RAB11FIP4: variants seen among roughly 807,000 people sequenced by gnomAD.
The protein encoded by RAB11FIP4 is rab11 family-interacting protein 4.
A neutral mutation model predicts 74.3 loss-of-function variants in RAB11FIP4; 23 were observed. The ratio of observed to expected loss-of-function variants is 0.31; its 90% CI spans 0.22 to 0.44. The LOEUF (loss-of-function observed/expected upper bound fraction) is 0.44. Ranked by LOEUF, RAB11FIP4 falls within the 20% of genes least tolerant of loss-of-function variation. RAB11FIP4 has a pLI of 1.00. For synonymous variants in RAB11FIP4, 360 were observed against 359.9 expected (o/e 1.00, Z 0.00); for missense variants, 630 against 863.9 (o/e 0.73, Z 3.39).
intron 7 of RAB11FIP4, chr17:31,522,662 TGAGA>T: frequency 3.7e-6 from 2 of 535,862 alleles, no homozygotes; most frequent in South Asian, 5.0e-5. Context: ...AGGGATGCCC[TGAGA>T]GAGACAGAGC....
intron 9 of RAB11FIP4, 183 bp downstream of exon 9, chr17:31,524,179 C>G: frequency 1.7e-6 from 1 of 580,536 alleles, no homozygotes; most frequent in Non-Finnish European, 3.1e-6. Flanking sequence ...ACCTTAGGGA[C>G]AGGGAGACAG....
At chr17:31,421,196 A>AT (rs923174112) in intron 1 of RAB11FIP4, among the ~76,000 whole-genome samples, 11 of 151,944 alleles carry the variant, frequency 7.2e-5, no homozygotes, top group Admixed American at 7.2e-4. Flanking sequence ...TCTGTTTTTG[A>AT]TTTTTTTGCT....
At chr17:31,477,458 G>A (rs1026379834) in intron 3 of RAB11FIP4, among the ~76,000 whole-genome samples, 5 of 152,196 alleles carry the variant, frequency 3.3e-5, no homozygotes, top group Admixed American at 6.5e-5. Flanking sequence ...GAGAAGCCAC[G>A]GCTGGGAGGG....
Position 31,396,627 on chromosome 17 carries a change from G to A in RAB11FIP4, c.159+4616G>A, listed in dbSNP as rs182437346. On this transcript the variant is annotated intron_variant, in intron 1 of 14. Coordinates refer to ENST00000621161, the MANE Select transcript of RAB11FIP4 (RefSeq NM_032932.6). ...GAATTGAGGTCAAGATCTGGCACCG[G>A]CCTCTGTGTGCTCAACTCACCCTCC... Among the ~76,000 whole-genome samples, 31 of 152,242 alleles carry A rather than the reference G, an allele frequency of 2.0e-4. No individual in the cohort carries two copies. In the South Asian group the frequency reaches 6.4e-3, roughly 32 times the overall value.
At chr17:31,432,217 G>A (rs178850) in intron 2 of RAB11FIP4, among the ~76,000 whole-genome samples, 83,763 of 151,886 alleles carry the variant, frequency 0.55, 23,940 homozygotes, top group African/African-American at 0.69. Context: ...ACCAAACCCA[G>A]TGAGTCTCCT....
rs550470791 is a variant in RAB11FIP4, at chr17:31,409,143, G to A, written c.159+17132G>A. Among the ~76,000 whole-genome samples the A allele has an allele frequency of 7.2e-5, 11 of 152,286 alleles. No homozygotes were observed. The East Asian group carries it at 1.5e-3, about 21-fold the overall frequency. On this transcript the variant is annotated intron_variant, in intron 1 of 14. Transcript: ENST00000621161. ...AGCCAGTAGGGATAAGGGTTGGTAA[G>A]GGATGGTGGAGGCAGGACCCCATCA...
At chr17:31,528,817 G>A in intron 13 of RAB11FIP4, 39 bp downstream of exon 13, 1 of 1,581,076 alleles carries the variant, frequency 6.3e-7, no homozygotes, top group Non-Finnish European at 8.6e-7. Context: ...GGGCAGGGTG[G>A]CCGGGCCCAC....
chr17:31,495,433 G>A (rs927863813), intron 3 of RAB11FIP4, among the ~76,000 whole-genome samples: 4 of 143,710 alleles, frequency 2.8e-5, no homozygotes, highest in African/African-American at 5.2e-5. Context: ...AGAGTGCAGC[G>A]ATACAATCTT....
At chr17:31,412,744 C>T (rs11871938) in intron 1 of RAB11FIP4, among the ~76,000 whole-genome samples, 3,685 of 152,302 alleles carry the variant, frequency 0.024, 129 homozygotes, top group African/African-American at 0.084. Flanking sequence ...AGCAGGCAGA[C>T]ACCAGGCGCA....
chr17:31,521,775 C>A, intron 5 of RAB11FIP4, 140 bp from the exon 6 acceptor site: 1 of 906,572 alleles, frequency 1.1e-6, no homozygotes, highest in Non-Finnish European at 1.7e-6. Flanking sequence ...TGATCTGTTG[C>A]TATATTTCCA....
chr17:31,445,566 ATATATATATATATTTTTTTTTTTTTTTTT>A (rs2071451267), intron 3 of RAB11FIP4, among the ~76,000 whole-genome samples: 4 of 12,434 alleles, frequency 3.2e-4, no homozygotes, highest in African/African-American at 1.1e-3. Context: ...ATATATATAT[ATATATATATATATTTTTTTTTTTTTTTTT>A]TTTTTTTTGA....
At chr17:31,504,287 C>T (rs958787483) in intron 3 of RAB11FIP4, among the ~76,000 whole-genome samples, 5 of 150,108 alleles carry the variant, frequency 3.3e-5, no homozygotes, top group East Asian at 3.9e-4. Flanking sequence ...CCCACCACCA[C>T]GCCCGGCTAA....
rs1423746693 is a variant in RAB11FIP4 at position 31,467,257 on chromosome 17, G to A, written c.336+33135G>A. Among the ~76,000 whole-genome samples the A allele has an allele frequency of 3.9e-5, 6 of 152,036 alleles. 1 individual carries two copies. The South Asian group carries it at 6.3e-4, about 16-fold the overall frequency. On this transcript the variant is annotated intron_variant, in intron 3 of 14. Transcript: ENST00000621161. Reference sequence around the variant, plus strand: ...CTCCTGAGTAGCTGGGACTACAGGCGCATGCCACCACACCCAGCTAATTTT... The same window carrying A: ...CTCCTGAGTAGCTGGGACTACAGGCACATGCCACCACACCCAGCTAATTTT...
intron 4 of RAB11FIP4, among the ~76,000 whole-genome samples, chr17:31,520,244 C>T (rs888856756): frequency 6.6e-6 from 1 of 152,094 alleles, no homozygotes; most frequent in African/African-American, 2.4e-5. Flanking sequence ...GAATACTATG[C>T]CATTTCATAT....
chr17:31,440,183 C>T (rs932014523), intron 3 of RAB11FIP4, among the ~76,000 whole-genome samples: 1 of 152,202 alleles, frequency 6.6e-6, no homozygotes, highest in African/African-American at 2.4e-5. Flanking sequence ...CTTTTATCCA[C>T]CTGGAGCTTA....
At position 31,534,332 on chromosome 17, in the gene RAB11FIP4, A is replaced by C. The variant is rs1352653720; in HGVS notation, c.*2600A>C. 6.6e-6 allele frequency: 1 copy of C among 152,206 alleles called. No individual in the cohort carries two copies. Among genetic ancestry groups the C allele is most frequent in the Non-Finnish European group, 1.5e-5 (1 of 68,042 alleles). The allele number at this position is 152,206 out of a possible 1,614,324, so 9.4% of individuals were successfully genotyped here. On this transcript the variant is annotated 3_prime_UTR_variant, in exon 15 of 15. Transcript: ENST00000621161. Reference sequence around the variant, plus strand: ...GCCCAGGCTGGAGTGTAGTGGTATGATCATAGCTCACCACAACCTTGAACT... The same window carrying C: ...GCCCAGGCTGGAGTGTAGTGGTATGCTCATAGCTCACCACAACCTTGAACT...
chr17:31,406,574 G>A (rs145578877), intron 1 of RAB11FIP4, among the ~76,000 whole-genome samples: 208 of 152,352 alleles, frequency 1.4e-3, no homozygotes, highest in African/African-American at 3.7e-3. Context: ...AGTTTGATAG[G>A]TGTGTAATGG....
At chr17:31,477,856 G>A (rs1327371137) in intron 3 of RAB11FIP4, among the ~76,000 whole-genome samples, 2 of 152,122 alleles carry the variant, frequency 1.3e-5, no homozygotes, top group Non-Finnish European at 2.9e-5. Context: ...ACCTCTCTGA[G>A]CCTCAGTTTC....
At chr17:31,444,516 C>T (rs2071433555) in intron 3 of RAB11FIP4, among the ~76,000 whole-genome samples, 2 of 152,174 alleles carry the variant, frequency 1.3e-5, no homozygotes, top group Non-Finnish European at 2.9e-5. Flanking sequence ...TTCGTTGCCT[C>T]AGCCTGGTCT....
Sources: gnomAD v4.1 joint callset for allele counts (sites outside exome capture counted in the v4.1 genomes callset) on GRCh38, gnomAD v4.1.1 for gene constraint, MANE v1.5 for transcripts, NCBI Gene and HGNC (gene_info 2026-07-23, HGNC 2026-07-21) for gene names.